Variants in PLCXD1 observed in about 807,000 individuals in gnomAD.
The protein encoded by PLCXD1 is PI-PLC X domain-containing protein 1.
A neutral mutation model predicts 37.8 loss-of-function variants in PLCXD1; 45 were observed. That is an observed-to-expected ratio of 1.19 (90% CI 0.94 to 1.53). The LOEUF (loss-of-function observed/expected upper bound fraction) is 1.53, where lower values mean the gene tolerates loss of function less well. Ranked by LOEUF, PLCXD1 falls within the 40% of genes most tolerant of loss-of-function variation. PLCXD1 has a pLI of 0.00. For synonymous variants in PLCXD1, 246 were observed against 206.9 expected, an observed-to-expected ratio of 1.19 and a Z score of -1.62; for missense variants, 539 against 454.7, an observed-to-expected ratio of 1.19 and a Z score of -1.69.
chrX:283,805 C>G, intron 1 of PLCXD1: 1 of 185,408 alleles, frequency 5.4e-6, no homozygotes, highest in Non-Finnish European at 1.2e-5. Flanking sequence ...CCAGGGCTTT[C>G]ACGCTAGACA....
rs1436476453 is a variant in PLCXD1 at position 290,654 on chromosome X, G to T, written c.271G>T (p.Asp91Tyr). 5 of 1,613,680 alleles carry T rather than the reference G, an allele frequency of 3.1e-6. No homozygotes were observed. In the African/African-American group the frequency reaches 4.0e-5, roughly 13 times the overall value. The change falls in exon 4 of 7, where the codon GAC becomes TAC. Residue 91 changes from aspartate (D) to tyrosine (Y), a missense_variant. By Grantham distance (160) the Asp-to-Tyr change is radical. Coordinates refer to ENST00000381657, the MANE Select transcript of PLCXD1 (RefSeq NM_018390.4). ...VLKWSVTQAL[D>Y]VTEQLDAGVR... The stretch of plus-strand genomic sequence containing the variant: ...CAGCAGCCTCTGTCCACAGGCACTG[G>T]ACGTCACAGAGCAGCTGGATGCCGG...
rs2069692780 is a variant in PLCXD1, at chrX:293,175, C to T, written c.690C>T (p.Ala230=). The change falls in exon 6 of 7, where the codon GCC becomes GCT. Residue 230 remains alanine (A), a synonymous_variant. Transcript: ENST00000381657. ...GGGGAAACAGGGTGAAGACCGAGGC[C>T]CTCATCCGATACCTGGAGACCATGA... ...YWWGNRVKTE[A]LIRYLETMKS... The T allele has an allele frequency of 1.2e-6, 2 of 1,612,708 alleles. No homozygotes were observed. The highest frequency in any genetic ancestry group is 1.3e-5 in the African/African-American group (1 of 75,004).
chrX:283,011 TTATA>T (rs1430802366), intron 1 of PLCXD1, among the ~76,000 whole-genome samples: 1 of 146,866 alleles, frequency 6.8e-6, no homozygotes, highest in Non-Finnish European at 1.5e-5. Flanking sequence ...ATTATATATG[TTATA>T]TATATGTTAT....
intron 1 of PLCXD1, chrX:283,523 A>AGTGGGGGCGGCCGTGGTGTCGGGCCCGG (rs2069341695): frequency 1.9e-4 from 18 of 93,870 alleles, no homozygotes; most frequent in African/African-American, 7.0e-4. Context: ...GCCTGAGGGT[A>AGTGGGGGCGGCCGTGGTGTCGGGCCCGG]GTGGGGGCGG....
At chrX:283,914 T>C in intron 1 of PLCXD1, 1 of 338,352 alleles carries the variant, frequency 3.0e-6, no homozygotes, top group Non-Finnish European at 5.4e-6. Context: ...GGAGTTTCAC[T>C]CTTGTTGCCC....
chrX:289,766 C>G, intron 3 of PLCXD1, among the ~76,000 whole-genome samples: 1 of 151,972 alleles, frequency 6.6e-6, no homozygotes, highest in South Asian at 2.1e-4. Context: ...CCGCCTCAGC[C>G]TCCCAAAGTG....
At chrX:285,054 T>C (rs1294129689) in intron 2 of PLCXD1, among the ~76,000 whole-genome samples, 2 of 151,912 alleles carry the variant, frequency 1.3e-5, no homozygotes, top group Non-Finnish European at 2.9e-5. Context: ...CCGAGCCATA[T>C]CACATACATA....
chrX:284,649 T>G (rs761460007), intron 2 of PLCXD1, among the ~76,000 whole-genome samples: 62 of 106,016 alleles, frequency 5.8e-4, no homozygotes, highest in African/African-American at 1.5e-3. Context: ...CACACACACA[T>G]GCACATCTGC....
At chrX:294,568 T>C (rs1569564666) in intron 6 of PLCXD1, among the ~76,000 whole-genome samples, 1 of 151,464 alleles carries the variant, frequency 6.6e-6, no homozygotes, top group Non-Finnish European at 1.5e-5. Flanking sequence ...AGGCGGAGGT[T>C]GCTGTGATCC....
At chrX:285,138 A>ACG (rs2069406333) in intron 2 of PLCXD1, among the ~76,000 whole-genome samples, 1 of 151,786 alleles carries the variant, frequency 6.6e-6, no homozygotes, top group African/African-American at 2.4e-5. Flanking sequence ...ACACACATAC[A>ACG]TGCATGCACA....
upstream of PLCXD1, among the ~76,000 whole-genome samples, chrX:276,906 G>A (rs2069167936): frequency 6.6e-6 from 1 of 152,186 alleles, no homozygotes; most frequent in Non-Finnish European, 1.5e-5. Context: ...CACGCCTCTG[G>A]GACGTGAGTC....
At chrX:287,389 ATATG>A (rs2069481217) in intron 2 of PLCXD1, among the ~76,000 whole-genome samples, 1 of 143,604 alleles carries the variant, frequency 7.0e-6, no homozygotes, top group African/African-American at 2.5e-5. Flanking sequence ...TTATGCAAAA[ATATG>A]TATTTATGTA....
intron 2 of PLCXD1, among the ~76,000 whole-genome samples, chrX:286,600 G>T (rs902034284): frequency 6.6e-6 from 1 of 152,192 alleles, no homozygotes; most frequent in African/African-American, 2.4e-5. Flanking sequence ...AGGGGTCCAC[G>T]TGAAGGGGTC....
chrX:294,660 C>T (rs2069747879), intron 6 of PLCXD1, among the ~76,000 whole-genome samples: 1 of 151,398 alleles, frequency 6.6e-6, no homozygotes, highest in African/African-American at 2.4e-5. Flanking sequence ...AAAAATTAGC[C>T]AGGCATGGTG....
chrX:285,097 GACACATACATACACAC>G (rs2069403121), intron 2 of PLCXD1, among the ~76,000 whole-genome samples: 1 of 144,898 alleles, frequency 6.9e-6, no homozygotes. Context: ...GGCACACACA[GACACATACATACACAC>G]ACACATGCAT....
chrX:281,260 T>C, upstream of PLCXD1: 3 of 185,958 alleles, frequency 1.6e-5, no homozygotes, highest in East Asian at 1.8e-4. Context: ...GGTACAGGTG[T>C]GGTTGCTTCT....
intron 2 of PLCXD1, among the ~76,000 whole-genome samples, chrX:287,348 A>G (rs1025969536): frequency 1.2e-4 from 18 of 144,416 alleles, no homozygotes; most frequent in African/African-American, 4.0e-4. Flanking sequence ...ATATGTGGAT[A>G]TATATTTTAT....
At chrX:289,687 A>G (rs1345615742) in intron 3 of PLCXD1, among the ~76,000 whole-genome samples, 1 of 150,484 alleles carries the variant, frequency 6.6e-6, no homozygotes, top group African/African-American at 2.4e-5. Flanking sequence ...AATTTTTGGT[A>G]TTTTGAGTAG....
chrX:300,392 T>G lies in PLCXD1; in HGVS notation c.*1057T>G, dbSNP rs1430053965. On this transcript the variant is annotated 3_prime_UTR_variant, in exon 7 of 7. Coordinates refer to ENST00000381657, the MANE Select transcript of PLCXD1 (RefSeq NM_018390.4). ...TATATGTGTGTGTATATATGTGTGT[T>G]TATGTGTCTGTGTGTATATATGTGT... 6.6e-6 allele frequency: 1 copy of G among 151,732 alleles called. No homozygotes were observed. Among genetic ancestry groups the G allele is most frequent in the Non-Finnish European group, 1.5e-5 (1 of 67,982 alleles). 9.4% of individuals were successfully genotyped at this position (151,732 alleles called of 1,614,324 possible). A position where few individuals can be genotyped will look rare whatever the true frequency, so the allele number is the denominator to read the frequency against.
Sources: allele counts gnomAD v4.1 joint callset (sites outside exome capture counted in the v4.1 genomes callset), GRCh38; gene constraint gnomAD v4.1.1; transcripts MANE v1.5; gene names NCBI Gene and HGNC (gene_info 2026-07-23, HGNC 2026-07-21).